The following SUFU variants were observed in gnomAD, a reference collection of about 807,000 sequenced individuals.
SUFU encodes suppressor of fused homolog.
SUFU carries 7 observed loss-of-function variants against 58.9 expected under a neutral mutation model. That is an observed-to-expected ratio of 0.12 (90% CI 0.07 to 0.22). The LOEUF (loss-of-function observed/expected upper bound fraction) is 0.22, where lower values mean the gene tolerates loss of function less well. SUFU is among the 10% of genes least tolerant of loss of function. The probability of loss-of-function intolerance (pLI) is 1.00; values close to 1 mark genes in which losing one functional copy is unlikely to be tolerated. For missense variants in SUFU, 451 were observed against 641.3 expected (o/e 0.70, Z 3.20); for synonymous variants, 232 against 254.8 (o/e 0.91, Z 0.85).
intron 2 of SUFU, among the ~76,000 whole-genome samples, chr10:102,537,987 T>C (rs772452763): frequency 3.3e-5 from 5 of 152,362 alleles, no homozygotes; most frequent in Middle Eastern, 3.4e-3. Flanking sequence ...CTGTTTTCCA[T>C]AGCAGCTGTA....
At chr10:102,508,945 G>A (rs1409283138) in intron 1 of SUFU, among the ~76,000 whole-genome samples, 1 of 152,240 alleles carries the variant, frequency 6.6e-6, no homozygotes, top group African/African-American at 2.4e-5. Flanking sequence ...AAGAGGCCCA[G>A]TCTTTCAGGG....
intron 8 of SUFU, among the ~76,000 whole-genome samples, chr10:102,603,192 CCTT>C (rs1214613556): frequency 1.3e-5 from 2 of 152,120 alleles, no homozygotes; most frequent in East Asian, 1.9e-4. Flanking sequence ...CACAGGGTCT[CCTT>C]CTGTCACCCA....
rs547244868 is a variant in SUFU, at chr10:102,617,641, C to T, written c.1296+213C>T. Reference sequence around the variant, plus strand: ...TAGGAGCACTTCCTGACCTTCTCCCCCTGTCACCTGAGACACAAGTGTTAA... The same window carrying T: ...TAGGAGCACTTCCTGACCTTCTCCCTCTGTCACCTGAGACACAAGTGTTAA... On this transcript the variant is annotated intron_variant, in intron 10 of 11. Coordinates refer to ENST00000369902, the MANE Select transcript of SUFU (RefSeq NM_016169.4). This position sits in a 1 kb window ranked among gnomAD's most constrained non-coding sequence, Gnocchi z 4.4. 7 of 637,460 alleles carry T rather than the reference C, an allele frequency of 1.1e-5. No homozygotes were observed. In the African/African-American group the frequency reaches 1.3e-4, roughly 12 times the overall value. The allele number at this position is 637,460 out of a possible 1,614,324, so 39.5% of individuals were successfully genotyped here.
chr10:102,618,181 G>A (rs1269549358), intron 10 of SUFU: 1 of 152,712 alleles, frequency 6.5e-6, no homozygotes, highest in African/African-American at 2.4e-5. Context: ...TGTTGCGGGT[G>A]GGGAGAGGAT....
intron 3 of SUFU, among the ~76,000 whole-genome samples, chr10:102,568,195 G>A (rs2063112348): frequency 6.9e-6 from 1 of 145,074 alleles, no homozygotes; most frequent in Non-Finnish European, 1.5e-5. Context: ...GTAGAGTGGA[G>A]TTTCATTTTT....
At chr10:102,547,697 C>T (rs2135737555) in intron 2 of SUFU, among the ~76,000 whole-genome samples, 1 of 152,234 alleles carries the variant, frequency 6.6e-6, no homozygotes, top group African/African-American at 2.4e-5. Flanking sequence ...TGGTGCACAC[C>T]TGTGGTTCCA....
chr10:102,527,134 C>G (rs2062618339), intron 2 of SUFU, among the ~76,000 whole-genome samples: 1 of 151,480 alleles, frequency 6.6e-6, no homozygotes, highest in Non-Finnish European at 1.5e-5. Flanking sequence ...TCCCAAGTAG[C>G]TGGGACCACA....
intron 3 of SUFU, among the ~76,000 whole-genome samples, chr10:102,557,646 A>G (rs2062995289): frequency 1.3e-5 from 2 of 152,208 alleles, no homozygotes; most frequent in Admixed American, 6.5e-5. Context: ...GAAAAACAAT[A>G]ACAGACTTCA....
At chr10:102,551,324 C>T (rs1001360826) in intron 3 of SUFU, among the ~76,000 whole-genome samples, 1 of 152,094 alleles carries the variant, frequency 6.6e-6, no homozygotes, top group Non-Finnish European at 1.5e-5. Context: ...TGTGGGGCTC[C>T]AGTTGAGTTG....
chr10:102,590,276 C>T (rs953138848), intron 3 of SUFU, among the ~76,000 whole-genome samples: 2 of 147,846 alleles, frequency 1.4e-5, no homozygotes, highest in East Asian at 4.2e-4. Flanking sequence ...AGTGATTCTC[C>T]TGCCTCAGCC....
chr10:102,552,282 A>C (rs1478093708), intron 3 of SUFU, among the ~76,000 whole-genome samples: 7 of 152,110 alleles, frequency 4.6e-5, no homozygotes, highest in Admixed American at 6.6e-5. Context: ...CTGTAAATTA[A>C]AGATTAGCCA....
chr10:102,562,364 A>G (rs554673795), intron 3 of SUFU, among the ~76,000 whole-genome samples: 6 of 152,224 alleles, frequency 3.9e-5, no homozygotes, highest in African/African-American at 1.2e-4. Context: ...CTCTACTAAA[A>G]ATATAAAAAT....
chr10:102,568,939 T>TATATATAC (rs1564685799), intron 3 of SUFU, among the ~76,000 whole-genome samples: 7 of 43,758 alleles, frequency 1.6e-4, no homozygotes, highest in African/African-American at 5.0e-4. Context: ...TATATATATA[T>TATATATAC]ATATATATAT....
intron 3 of SUFU, among the ~76,000 whole-genome samples, chr10:102,578,577 G>A (rs994347781): frequency 5.9e-5 from 9 of 151,950 alleles, no homozygotes; most frequent in African/African-American, 1.9e-4. Context: ...TCATGGTGGC[G>A]CGTGCCTATA....
chr10:102,604,629 G>GT (rs1470432027), intron 8 of SUFU, among the ~76,000 whole-genome samples: 2 of 152,156 alleles, frequency 1.3e-5, no homozygotes, highest in African/African-American at 4.8e-5. Flanking sequence ...AGGCTCAAAG[G>GT]TAAGAGCTAG....
Position 102,512,247 on chromosome 10 carries a change from C to T in SUFU, c.317+2944C>T, listed in dbSNP as rs548347764. Reference sequence around the variant, plus strand: ...TTGCCTGAATGGGGACCCAGCATTACAGTATTAATAATGGAGATAGAATAG... The same window carrying T: ...TTGCCTGAATGGGGACCCAGCATTATAGTATTAATAATGGAGATAGAATAG... On this transcript the variant is annotated intron_variant, in intron 2 of 11. Transcript: ENST00000369902. Among the ~76,000 whole-genome samples the T allele has an allele frequency of 2.6e-5, 4 of 152,312 alleles. No individual in the cohort carries two copies. In the East Asian group the frequency reaches 7.7e-4, roughly 29 times the overall value.
chr10:102,512,897 C>A (rs1005613114), intron 2 of SUFU, among the ~76,000 whole-genome samples: 21 of 151,984 alleles, frequency 1.4e-4, no homozygotes, highest in African/African-American at 5.1e-4. Flanking sequence ...GACCCTCCCC[C>A]ATCTCTACAG....
chr10:102,519,827 G>A lies in SUFU; in HGVS notation c.317+10524G>A, dbSNP rs142438225. On this transcript the variant is annotated intron_variant, in intron 2 of 11. Transcript: ENST00000369902. ...CGCTCTGTCGCTCAGGCTGGAATGC[G>A]GTGGCATGATCTCAGCTCACTGCAA... 4.5e-3 allele frequency among the ~76,000 whole-genome samples: 683 copies of A among 152,034 alleles called. 7 individuals are homozygous for A. Among genetic ancestry groups the A allele is most frequent in the African/African-American group, 0.016 (651 of 41,476 alleles).
intron 1 of SUFU, among the ~76,000 whole-genome samples, chr10:102,506,395 T>A (rs1261482921): frequency 1.3e-5 from 2 of 152,176 alleles, no homozygotes; most frequent in Non-Finnish European, 2.9e-5. Context: ...TCTTTTTTTT[T>A]TGAGACAGAG....
Sources: allele counts gnomAD v4.1 joint callset (sites outside exome capture counted in the v4.1 genomes callset), GRCh38; gene constraint gnomAD v4.1.1; non-coding constraint Gnocchi (gnomAD v3.1); transcripts MANE v1.5; gene names NCBI Gene and HGNC (gene_info 2026-07-23, HGNC 2026-07-21).